Variants in RNF144A observed in about 807,000 individuals in gnomAD.
RNF144A encodes the protein E3 ubiquitin-protein ligase RNF144A.
A neutral mutation model predicts 38.7 loss-of-function variants in RNF144A; 11 were observed. The ratio of observed to expected loss-of-function variants is 0.28; its 90% CI spans 0.18 to 0.47. The LOEUF (loss-of-function observed/expected upper bound fraction) is 0.47. Ranked by LOEUF, RNF144A falls within the 20% of genes least tolerant of loss-of-function variation. The probability of loss-of-function intolerance (pLI) is 0.99; values close to 1 mark genes in which losing one functional copy is unlikely to be tolerated. For missense variants in RNF144A, 316 were observed against 377.2 expected (o/e 0.84, Z 1.34); for synonymous variants, 149 against 143.9 (o/e 1.04, Z -0.25).
chr2:6,941,499 A>T lies in RNF144A; in HGVS notation c.-12+352A>T, dbSNP rs994015489. Among the ~76,000 whole-genome samples, 2 of 152,204 alleles carry T rather than the reference A, an allele frequency of 1.3e-5. No individual in the cohort carries two copies. Among genetic ancestry groups the T allele is most frequent in the Non-Finnish European group, 2.9e-5 (2 of 68,038 alleles). ...TGTGCCAGGCACAGCTCTAACTCAGAACTCAGTGAGGCAGCACCAGTGCCT... is the reference window on the plus strand; with the variant it reads ...TGTGCCAGGCACAGCTCTAACTCAGTACTCAGTGAGGCAGCACCAGTGCCT... On this transcript the variant is annotated intron_variant, in intron 2 of 8. Transcript: ENST00000320892. This position sits in a 1 kb window ranked among gnomAD's most constrained non-coding sequence, Gnocchi z 6.5.
Position 6,973,819 on chromosome 2 carries a change from C to T in RNF144A, c.-11-23097C>T, listed in dbSNP as rs557354201. 5.9e-5 allele frequency among the ~76,000 whole-genome samples: 9 copies of T among 152,360 alleles called. No homozygotes were observed. In the East Asian group the frequency reaches 1.3e-3, roughly 23 times the overall value. On this transcript the variant is annotated intron_variant, in intron 2 of 8. Coordinates refer to ENST00000320892, the MANE Select transcript of RNF144A (RefSeq NM_014746.6). ...AAGGCTTCACGGGCACACGGCCATGCCCGTTGGCTTACGTGCCGTCTCTGG... is the reference window on the plus strand; with the variant it reads ...AAGGCTTCACGGGCACACGGCCATGTCCGTTGGCTTACGTGCCGTCTCTGG...
rs1365855089 is a variant in RNF144A, at chr2:7,041,037, T to C, written c.*1277T>C. 3.0e-6 allele frequency: 3 copies of C among 985,304 alleles called. No individual in the cohort carries two copies. The highest frequency in any genetic ancestry group is 1.2e-6 in the Non-Finnish European group (1 of 829,908). 61.0% of individuals were successfully genotyped at this position (985,304 alleles called of 1,614,324 possible). A position where few individuals can be genotyped will look rare whatever the true frequency, so the allele number is the denominator to read the frequency against. On this transcript the variant is annotated 3_prime_UTR_variant, in exon 9 of 9. Coordinates refer to ENST00000320892, the MANE Select transcript of RNF144A (RefSeq NM_014746.6). The stretch of plus-strand genomic sequence containing the variant: ...AATTGACTTTGAAAAGTGGAGAAAG[T>C]GTATTCTTTAAAGAGAATTTACTTC...
intron 6 of RNF144A, among the ~76,000 whole-genome samples, chr2:7,063,897 T>C (rs1044231831): frequency 1.1e-4 from 16 of 152,140 alleles, no homozygotes; most frequent in African/African-American, 3.6e-4. Flanking sequence ...TACCACATAG[T>C]GGATAATTTA....
intron 2 of RNF144A, among the ~76,000 whole-genome samples, chr2:6,994,873 C>T (rs772736881): frequency 3.0e-4 from 45 of 152,180 alleles, no homozygotes; most frequent in Non-Finnish European, 5.9e-4. Flanking sequence ...GTGCAGATCC[C>T]GGGCGGTCTT....
At chr2:6,965,538 T>A (rs1356220218) in intron 2 of RNF144A, among the ~76,000 whole-genome samples, 1 of 152,118 alleles carries the variant, frequency 6.6e-6, no homozygotes, top group Non-Finnish European at 1.5e-5. Context: ...TGAGGCATAA[T>A]GCAAAACCTA....
chr2:7,030,074 G>A (rs372764143), intron 7 of RNF144A, 52 bp from the exon 8 acceptor site: 30 of 1,274,002 alleles, frequency 2.4e-5, no homozygotes, highest in African/African-American at 4.4e-5. Flanking sequence ...GATACTCACC[G>A]AACTGAGCAG....
intron 2 of RNF144A, among the ~76,000 whole-genome samples, chr2:6,968,877 G>A (rs1667831577): frequency 6.6e-6 from 1 of 152,140 alleles, no homozygotes; most frequent in African/African-American, 2.4e-5. Flanking sequence ...GCTGTCCCAT[G>A]GAGTCCCTGC....
Position 6,997,028 on chromosome 2 carries a change from C to CAT in RNF144A, c.104_105dup (p.Ala36Ter). 2 of 1,614,202 alleles carry CAT rather than the reference C, an allele frequency of 1.2e-6. No individual in the cohort carries two copies. The highest frequency in any genetic ancestry group is 1.7e-6 in the Non-Finnish European group (2 of 1,180,002). ...AGTACCCAGTGGAGCAGATGACAAC[C>CAT]ATAGCCCAGTGCCAATGCATCTTCT... On this transcript the variant is annotated frameshift_variant, in exon 3 of 9. Transcript: ENST00000320892. LOFTEE classifies it high-confidence loss of function.
At position 6,929,672 on chromosome 2, in the gene RNF144A, C is replaced by T. The variant is rs74467591; in HGVS notation, c.-211-11276C>T. Among the ~76,000 whole-genome samples the T allele has an allele frequency of 8.2e-3, 1,241 of 152,196 alleles. 20 individuals carry two copies. Among genetic ancestry groups the T allele is most frequent in the African/African-American group, 0.027 (1,135 of 41,504 alleles). ...ATAAAAATAATTATTGTGAAGCTTA[C>T]GCAATCGTAGTTTGGAAGACTTTAA... On this transcript the variant is annotated intron_variant, in intron 1 of 8. Coordinates refer to ENST00000320892, the MANE Select transcript of RNF144A (RefSeq NM_014746.6).
intron 6 of RNF144A, among the ~76,000 whole-genome samples, chr2:7,065,099 G>A (rs1674149506): frequency 6.6e-6 from 1 of 152,200 alleles, no homozygotes; most frequent in African/African-American, 2.4e-5. Flanking sequence ...TATGTGCTAG[G>A]TACCACTCTG....
intron 8 of RNF144A, among the ~76,000 whole-genome samples, chr2:7,033,678 A>C (rs1400433466): frequency 1.3e-5 from 2 of 152,100 alleles, no homozygotes; most frequent in Non-Finnish European, 2.9e-5. Flanking sequence ...TGTGACTGTC[A>C]TCCAAGAAGA....
intron 2 of RNF144A, among the ~76,000 whole-genome samples, chr2:6,975,481 C>T (rs896297962): frequency 7.2e-5 from 11 of 152,186 alleles, no homozygotes; most frequent in Non-Finnish European, 1.5e-4. Context: ...CTCATTCTCT[C>T]CACTGCCCAG....
intron 2 of RNF144A, among the ~76,000 whole-genome samples, chr2:6,947,727 A>G (rs1666429352): frequency 6.6e-6 from 1 of 152,228 alleles, no homozygotes; most frequent in Non-Finnish European, 1.5e-5. Context: ...AGCCAAAAAA[A>G]GGGACAGCCT....
chr2:7,068,308 A>G, downstream of RNF144A: 1 of 1,184,938 alleles, frequency 8.4e-7, no homozygotes, highest in Non-Finnish European at 1.1e-6. Flanking sequence ...TTTTAAAGAT[A>G]AGATTAATAC....
At chr2:6,932,332 C>T (rs753980775) in intron 1 of RNF144A, among the ~76,000 whole-genome samples, 4 of 152,164 alleles carry the variant, frequency 2.6e-5, no homozygotes, top group Non-Finnish European at 4.4e-5. Context: ...GTGGACAATG[C>T]AACATGTAGT....
At chr2:6,975,116 G>A (rs926128313) in intron 2 of RNF144A, among the ~76,000 whole-genome samples, 6 of 152,300 alleles carry the variant, frequency 3.9e-5, no homozygotes, top group African/African-American at 1.2e-4. Flanking sequence ...ACTTACAAAA[G>A]ATAGGTTTAA....
chr2:7,059,563 C>T (rs1362299584), intron 6 of RNF144A, among the ~76,000 whole-genome samples: 1 of 152,122 alleles, frequency 6.6e-6, no homozygotes, highest in Non-Finnish European at 1.5e-5. Context: ...TGTCAGCTTT[C>T]ATGTTTTAGA....
rs563129780 is a variant in RNF144A at position 7,067,299 on chromosome 2, A to G, written c.735-917A>G. ...CTGACTTGGAGTCATTAAAATTAAA[A>G]CTGCTCCTTTCCTGGAGCCCCAAAA... On this transcript the variant is annotated intron_variant, in intron 6 of 6. Coordinates refer to the RNF144A transcript ENST00000432850. Among the ~76,000 whole-genome samples, 11 of 152,292 alleles carry G rather than the reference A, an allele frequency of 7.2e-5. No individual in the cohort carries two copies. In the East Asian group the frequency reaches 2.1e-3, roughly 29 times the overall value.
intron 6 of RNF144A, among the ~76,000 whole-genome samples, chr2:7,056,044 C>T (rs1356854956): frequency 6.6e-6 from 1 of 152,152 alleles, no homozygotes; most frequent in African/African-American, 2.4e-5. Context: ...CCTTCCCCAG[C>T]CCTAGCCCAG....
Sources: gnomAD v4.1 joint callset for allele counts (sites outside exome capture counted in the v4.1 genomes callset) on GRCh38, gnomAD v4.1.1 for gene constraint, Gnocchi (gnomAD v3.1) non-coding constraint, MANE v1.5 for transcripts, NCBI Gene and HGNC (gene_info 2026-07-23, HGNC 2026-07-21) for gene names.